The following GNAQ variants were observed in gnomAD, a reference collection of about 807,000 sequenced individuals.
GNAQ encodes the protein guanine nucleotide-binding protein G(q) subunit alpha.
A neutral mutation model predicts 43.9 loss-of-function variants in GNAQ; 8 were observed. The observed-to-expected ratio is 0.18, with a 90% CI of 0.11 to 0.33. The LOEUF (loss-of-function observed/expected upper bound fraction) is 0.33. Ranked by LOEUF, GNAQ falls within the 10% of genes least tolerant of loss-of-function variation. The pLI, the probability that GNAQ is intolerant of heterozygous loss-of-function variation, is 1.00. For missense variants in GNAQ, 158 were observed against 450.8 expected (o/e 0.35, Z 5.88); for synonymous variants, 155 against 170.7 (o/e 0.91, Z 0.71).
intron 2 of GNAQ, among the ~76,000 whole-genome samples, chr9:77,864,168 CTTTTT>C (rs113840423): frequency 7.6e-6 from 1 of 131,390 alleles, no homozygotes; most frequent in Non-Finnish European, 1.6e-5. Context: ...AGGTGCCAGG[CTTTTT>C]TTTTTTTTTT....
intron 2 of GNAQ, among the ~76,000 whole-genome samples, chr9:77,843,085 A>G (rs918996020): frequency 3.3e-5 from 5 of 152,228 alleles, no homozygotes; most frequent in African/African-American, 1.2e-4. Flanking sequence ...TGCCTTCTTA[A>G]TAATACAAAT....
intron 5 of GNAQ, among the ~76,000 whole-genome samples, chr9:77,750,315 T>C (rs1825793707): frequency 6.6e-6 from 1 of 152,184 alleles, no homozygotes; most frequent in Non-Finnish European, 1.5e-5. Context: ...ATGTAAAATA[T>C]GAAAACCAAG....
At chr9:77,822,650 G>A (rs1191713588) in intron 2 of GNAQ, among the ~76,000 whole-genome samples, 1 of 145,618 alleles carries the variant, frequency 6.9e-6, no homozygotes, top group Non-Finnish European at 1.5e-5. Flanking sequence ...AGGCCCAAAT[G>A]CTCCCAAGAA....
chr9:77,826,235 G>C (rs1252862105), intron 2 of GNAQ, among the ~76,000 whole-genome samples: 4 of 152,112 alleles, frequency 2.6e-5, no homozygotes. Flanking sequence ...AACCTGGCCA[G>C]CTTCTCATTA....
chr9:77,928,385 A>G lies in GNAQ; in HGVS notation c.137-6040T>C, dbSNP rs1829099009. ...TAAAATTTAACACAGAACAGAACTG[A>G]ATTTAGTATAACCAACTACAAGTGG... On this transcript the variant is annotated intron_variant, in intron 1 of 6. Coordinates refer to ENST00000286548, the MANE Select transcript of GNAQ (RefSeq NM_002072.5). Among the ~76,000 whole-genome samples the G allele has an allele frequency of 7.9e-5, 12 of 152,340 alleles. No individual in the cohort carries two copies. The South Asian group carries it at 2.5e-3, about 32-fold the overall frequency.
chr9:77,743,115 G>C (rs1424721616), intron 5 of GNAQ, among the ~76,000 whole-genome samples: 1 of 152,068 alleles, frequency 6.6e-6, no homozygotes, highest in African/African-American at 2.4e-5. Context: ...AAAATTAGCC[G>C]GGCGTAGGGG....
intron 3 of GNAQ, among the ~76,000 whole-genome samples, chr9:77,803,420 G>A (rs10869973): frequency 0.54 from 82,189 of 152,096 alleles, 24,966 homozygotes; most frequent in Non-Finnish European, 0.68. Flanking sequence ...GCAAACTGAG[G>A]AGGTGGGACT....
chr9:77,890,072 G>T (rs1828376773), intron 2 of GNAQ, among the ~76,000 whole-genome samples: 1 of 152,124 alleles, frequency 6.6e-6, no homozygotes, highest in Admixed American at 6.5e-5. Context: ...GGGTTTGTAA[G>T]TTTTCTACTT....
Position 77,721,530 on chromosome 9 carries a change from A to G in GNAQ, c.890-17T>C, listed in dbSNP as rs936701973. 5 of 1,517,142 alleles carry G rather than the reference A, an allele frequency of 3.3e-6. No homozygotes were observed. Among genetic ancestry groups the G allele is most frequent in the Non-Finnish European group, 4.6e-6 (5 of 1,098,150 alleles). The allele number at this position is 1,517,142 out of a possible 1,614,324, so 94.0% of individuals were successfully genotyped here. ...TCTGGGGTCCTTTCGGCCAAGAGAC[A>G]AGAGGGACACTTTGTTACCTAATCT... On this transcript the variant is annotated splice_polypyrimidine_tract_variant and intron_variant, in intron 6 of 6. Transcript: ENST00000286548.
chr9:77,803,659 A>T (rs1163666668), intron 3 of GNAQ, among the ~76,000 whole-genome samples: 1 of 152,226 alleles, frequency 6.6e-6, no homozygotes, highest in Non-Finnish European at 1.5e-5. Context: ...CTTACCTGCA[A>T]GGAGTTTATC....
chr9:77,929,558 C>T (rs758359126), intron 1 of GNAQ, among the ~76,000 whole-genome samples: 5 of 151,938 alleles, frequency 3.3e-5, no homozygotes, highest in Admixed American at 6.6e-5. Context: ...AGGCTGGGTG[C>T]GGTGGCTCAT....
At chr9:77,826,306 C>T (rs1331402250) in intron 2 of GNAQ, among the ~76,000 whole-genome samples, 9 of 152,138 alleles carry the variant, frequency 5.9e-5, no homozygotes, top group East Asian at 3.8e-4. Flanking sequence ...CTCCCCATAA[C>T]GCTGGTGTCC....
chr9:77,778,239 ACACG>A (rs1388585571), intron 5 of GNAQ, among the ~76,000 whole-genome samples: 1 of 145,316 alleles, frequency 6.9e-6, no homozygotes, highest in East Asian at 2.0e-4. Flanking sequence ...ACACACACAC[ACACG>A]TATTCCTCTA....
chr9:77,813,573 T>C (rs1826962590), intron 3 of GNAQ, among the ~76,000 whole-genome samples: 1 of 152,198 alleles, frequency 6.6e-6, no homozygotes, highest in Non-Finnish European at 1.5e-5. Context: ...TCATCAGAGA[T>C]ATGATGAAGT....
chr9:77,957,083 G>C (rs1564162465), intron 1 of GNAQ, among the ~76,000 whole-genome samples: 2 of 152,186 alleles, frequency 1.3e-5, no homozygotes. Flanking sequence ...AATAGGCTGG[G>C]TGTGGTGGCT....
rs12351642 is a variant in GNAQ at position 77,953,310 on chromosome 9, A to G, written c.137-30965T>C. ...GTGCATTTAAGTGCAAGAACCCCTA[A>G]TTAGTTCATGTCTCTCAACAAAATC... On this transcript the variant is annotated intron_variant, in intron 1 of 6. Coordinates refer to ENST00000286548, the MANE Select transcript of GNAQ (RefSeq NM_002072.5). Among the ~76,000 whole-genome samples the G allele has an allele frequency of 6.9e-3, 1,057 of 152,306 alleles. 11 individuals are homozygous for G. Among genetic ancestry groups the G allele is most frequent in the African/African-American group, 0.023 (960 of 41,542 alleles).
chr9:77,916,996 C>T (rs746341021), intron 2 of GNAQ, among the ~76,000 whole-genome samples: 13 of 152,112 alleles, frequency 8.5e-5, no homozygotes, highest in East Asian at 1.9e-4. Context: ...TACTATGATC[C>T]GCTATCTGGA....
chr9:77,992,313 A>G (rs767545457), intron 1 of GNAQ, among the ~76,000 whole-genome samples: 10 of 152,260 alleles, frequency 6.6e-5, no homozygotes, highest in Non-Finnish European at 1.2e-4. Flanking sequence ...CCGTAACAGA[A>G]AAGTTTTCGA....
chr9:77,908,927 T>C (rs936322084), intron 2 of GNAQ, among the ~76,000 whole-genome samples: 5 of 152,306 alleles, frequency 3.3e-5, no homozygotes, highest in Non-Finnish European at 7.4e-5. Context: ...GAAGCAATAC[T>C]CTAGAACACA....
Sources: allele counts gnomAD v4.1 joint callset (sites outside exome capture counted in the v4.1 genomes callset), GRCh38; gene constraint gnomAD v4.1.1; transcripts MANE v1.5; gene names NCBI Gene and HGNC (gene_info 2026-07-23, HGNC 2026-07-21).